Variants in PGM5 observed in about 807,000 individuals in gnomAD.
PGM5 encodes phosphoglucomutase-like protein 5.
A neutral mutation model predicts 59.2 loss-of-function variants in PGM5; 23 were observed. The observed-to-expected ratio is 0.39, with a 90% CI of 0.28 to 0.55. PGM5 has a LOEUF of 0.55. Among genes scored for constraint, PGM5 ranks in the 20% least tolerant of loss-of-function variants. The probability of loss-of-function intolerance (pLI) is 0.66; values close to 1 mark genes in which losing one functional copy is unlikely to be tolerated. For missense variants in PGM5, 574 were observed against 748.3 expected, an observed-to-expected ratio of 0.77 and a Z score of 2.72; for synonymous variants, 214 against 286.0, an observed-to-expected ratio of 0.75 and a Z score of 2.54.
At chr9:68,435,103 G>A (rs1452009391) in intron 6 of PGM5, among the ~76,000 whole-genome samples, 1 of 152,078 alleles carries the variant, frequency 6.6e-6, no homozygotes, top group Non-Finnish European at 1.5e-5. Context: ...CTTGGGTTCT[G>A]TGCCACCCAC....
chr9:68,463,837 G>A (rs571002848), intron 6 of PGM5, among the ~76,000 whole-genome samples: 5 of 152,192 alleles, frequency 3.3e-5, no homozygotes, highest in African/African-American at 1.2e-4. Context: ...ACATATGACG[G>A]TTCAACTTAA....
chr9:68,363,335 GA>G (rs1487244747), intron 1 of PGM5, among the ~76,000 whole-genome samples: 42 of 152,290 alleles, frequency 2.8e-4, no homozygotes, highest in Non-Finnish European at 4.8e-4. Context: ...AGCAACTGAA[GA>G]ACTGAATTTT....
intron 6 of PGM5, chr9:68,397,962 A>C (rs1822554346): frequency 6.6e-6 from 1 of 152,236 alleles, no homozygotes; most frequent in African/African-American, 2.4e-5. Flanking sequence ...TATCTTGAAC[A>C]TACTCAGCTG....
chr9:68,463,342 T>A (rs1176813832), intron 6 of PGM5, among the ~76,000 whole-genome samples: 6 of 152,194 alleles, frequency 3.9e-5, no homozygotes, highest in Non-Finnish European at 5.9e-5. Context: ...TTCAAATAAC[T>A]AAATCTTGCT....
chr9:68,361,938 T>C (rs1488935174), intron 1 of PGM5, among the ~76,000 whole-genome samples: 12 of 152,012 alleles, frequency 7.9e-5, no homozygotes, highest in Non-Finnish European at 1.2e-4. Context: ...TCTCCTCTGT[T>C]ATATTCCCCC....
chr9:68,475,226 G>A (rs965406419), intron 7 of PGM5, among the ~76,000 whole-genome samples: 14 of 143,708 alleles, frequency 9.7e-5, no homozygotes, highest in African/African-American at 3.4e-4. Context: ...GTAGAGACGA[G>A]GTTTCACCAT....
chr9:68,406,665 T>TAC (rs1822818210), intron 6 of PGM5, among the ~76,000 whole-genome samples: 2 of 2,116 alleles, frequency 9.5e-4, no homozygotes, highest in South Asian at 0.028. Context: ...ATTAGGTATA[T>TAC]ATATATATAT....
At chr9:68,398,910 G>T (rs1222364643) in intron 6 of PGM5, among the ~76,000 whole-genome samples, 1 of 151,982 alleles carries the variant, frequency 6.6e-6, no homozygotes, top group Non-Finnish European at 1.5e-5. Context: ...CTGATTGAAG[G>T]CTCATTTCTT....
At chr9:68,399,225 G>A (rs1307590668) in intron 6 of PGM5, 15 of 152,082 alleles carry the variant, frequency 9.9e-5, no homozygotes, top group African/African-American at 3.4e-4. Context: ...TGAACACTCA[G>A]ACTGCTTCTC....
Position 68,391,461 on chromosome 9 carries a change from G to C in PGM5, c.698-73G>C, listed in dbSNP as rs1308436442. The C allele has an allele frequency of 3.1e-4, 387 of 1,255,272 alleles. No individual in the cohort carries two copies. In the African/African-American group the frequency reaches 5.0e-3, roughly 16 times the overall value. The allele number at this position is 1,255,272 out of a possible 1,614,324, so 77.8% of individuals were successfully genotyped here. On this transcript the variant is annotated intron_variant, in intron 4 of 10. Coordinates refer to ENST00000396396, the MANE Select transcript of PGM5 (RefSeq NM_021965.4). Reference sequence around the variant, plus strand: ...TCTGGGTTATTAAATGGTGTTTCCTGTACTATTCAGAACAAAATACTCTGG... The same window carrying C: ...TCTGGGTTATTAAATGGTGTTTCCTCTACTATTCAGAACAAAATACTCTGG...
intron 6 of PGM5, among the ~76,000 whole-genome samples, chr9:68,411,299 A>G (rs1822924909): frequency 6.6e-6 from 1 of 151,910 alleles, no homozygotes; most frequent in Non-Finnish European, 1.5e-5. Context: ...CTGAGGCTGG[A>G]GGATTGCTTG....
intron 2 of PGM5, among the ~76,000 whole-genome samples, chr9:68,383,173 C>T (rs10868169): frequency 0.32 from 47,521 of 149,504 alleles, 7,152 homozygotes; most frequent in Admixed American, 0.36. Context: ...AGGACTATTG[C>T]TATTCTTTTT....
chr9:68,423,055 C>T (rs1823168660), intron 6 of PGM5, among the ~76,000 whole-genome samples: 1 of 152,212 alleles, frequency 6.6e-6, no homozygotes, highest in African/African-American at 2.4e-5. Context: ...GCCATTAATT[C>T]ATTCCTTTTT....
chr9:68,473,345 C>T (rs924156642), intron 7 of PGM5, among the ~76,000 whole-genome samples: 2 of 152,204 alleles, frequency 1.3e-5, no homozygotes, highest in Non-Finnish European at 2.9e-5. Flanking sequence ...CCTGCCCCAG[C>T]TCTCACCACA....
intron 9 of PGM5, among the ~76,000 whole-genome samples, chr9:68,487,114 G>A (rs1452853841): frequency 6.6e-6 from 1 of 152,140 alleles, no homozygotes; most frequent in East Asian, 1.9e-4. Flanking sequence ...CTTCCTACAG[G>A]AGGCAGGTTG....
At chr9:68,466,268 G>A in intron 7 of PGM5, 1 of 758,698 alleles carries the variant, frequency 1.3e-6, no homozygotes, top group South Asian at 3.4e-5. Flanking sequence ...CCGATACTGT[G>A]TGTTTTTTTT....
Position 68,357,378 on chromosome 9 carries a change from C to G in PGM5, c.251C>G (p.Ala84Gly). ...TAIEIVVQMAAANGIGRLIIG... is the reference protein window; with the variant it reads ...TAIEIVVQMAGANGIGRLIIG... ...ATCGAGATCGTGGTGCAGATGGCCGCGGCCAACGGGGTGAGTGTCCGGATG... is the reference window on the plus strand; with the variant it reads ...ATCGAGATCGTGGTGCAGATGGCCGGGGCCAACGGGGTGAGTGTCCGGATG... Residue 84 changes from alanine (A) to glycine (G), a missense_variant, in exon 1 of 11, where the codon GCG becomes GGG. Coordinates refer to ENST00000396396, the MANE Select transcript of PGM5 (RefSeq NM_021965.4). The G allele has an allele frequency of 1.9e-6, 3 of 1,558,116 alleles. No individual in the cohort carries two copies. The highest frequency in any genetic ancestry group is 2.6e-6 in the Non-Finnish European group (3 of 1,154,366).
At chr9:68,479,846 A>C (rs1231273987) in intron 8 of PGM5, among the ~76,000 whole-genome samples, 1 of 150,732 alleles carries the variant, frequency 6.6e-6, no homozygotes, top group Non-Finnish European at 1.5e-5. Flanking sequence ...AGGCAGGAGA[A>C]TGGCGTGAAC....
intron 10 of PGM5, among the ~76,000 whole-genome samples, chr9:68,524,297 G>A (rs1425707674): frequency 6.6e-6 from 1 of 152,128 alleles, no homozygotes; most frequent in Non-Finnish European, 1.5e-5. Flanking sequence ...TTTAAATAGA[G>A]AGAGGATCCA....
Sources: allele counts gnomAD v4.1 joint callset (sites outside exome capture counted in the v4.1 genomes callset), GRCh38; gene constraint gnomAD v4.1.1; transcripts MANE v1.5; gene names NCBI Gene and HGNC (gene_info 2026-07-23, HGNC 2026-07-21).